ADAM20: variants seen among roughly 807,000 people sequenced by gnomAD.
The protein encoded by ADAM20 is ADAM metallopeptidase domain 20.
For synonymous variants in ADAM20, 305 were observed against 310.2 expected (o/e 0.98, Z 0.18); for missense variants, 871 against 883.2 (o/e 0.99, Z 0.18).
chr14:70,560,783 T>C, the ADAM20 span, among the ~76,000 whole-genome samples: 1 of 152,178 alleles, frequency 6.6e-6, no homozygotes, highest in East Asian at 1.9e-4. Flanking sequence ...TCCACCATGA[T>C]TGTAAGTTTC....
the ADAM20 span, among the ~76,000 whole-genome samples, chr14:70,571,559 T>C: frequency 6.6e-6 from 1 of 152,216 alleles, no homozygotes; most frequent in African/African-American, 2.4e-5. Context: ...AGTATGTCTT[T>C]ATAAGCAGCA....
chr14:70,539,516 T>C (rs774169676), upstream of ADAM20, among the ~76,000 whole-genome samples: 2 of 152,224 alleles, frequency 1.3e-5, no homozygotes, highest in African/African-American at 2.4e-5. Context: ...TAGGCCTCTT[T>C]AGGGTTAAGG....
At chr14:70,542,416 C>A in the ADAM20 span, among the ~76,000 whole-genome samples, 1 of 152,176 alleles carries the variant, frequency 6.6e-6, no homozygotes, top group Non-Finnish European at 1.5e-5. Context: ...CCTTTGGAAA[C>A]TGGCCTCATA....
upstream of ADAM20, among the ~76,000 whole-genome samples, chr14:70,536,407 G>A (rs924275586): frequency 4.4e-5 from 6 of 137,218 alleles, no homozygotes; most frequent in East Asian, 4.4e-4. Context: ...CAGAGGTTGC[G>A]GTGAGCCTAG....
the ADAM20 span, among the ~76,000 whole-genome samples, chr14:70,553,654 G>A: frequency 8.6e-5 from 13 of 151,524 alleles, no homozygotes; most frequent in Admixed American, 2.6e-4. Context: ...ATCAATCAGC[G>A]TGGTACATCA....
intron 1 of ADAM20, among the ~76,000 whole-genome samples, 156 bp from the exon 2 acceptor site, chr14:70,525,089 A>C (rs17176236): frequency 0.051 from 7,782 of 152,276 alleles, 260 homozygotes; most frequent in Middle Eastern, 0.099. Context: ...GATAGGGGAG[A>C]TTGCACATAG....
In ADAM20 at chr14:70,523,663, T is replaced by G; in HGVS notation, c.1095A>C (p.Ile365=). 4.3e-6 allele frequency: 7 copies of G among 1,614,100 alleles called. No individual in the cohort carries two copies. The highest frequency in any genetic ancestry group is 5.1e-6 in the Non-Finnish European group (6 of 1,179,990). ...TTGTCACCTTTCTATAGGCATGCATTATGCACCACTGTAGCTCGCACACAC... is the reference window on the plus strand; with the variant it reads ...TTGTCACCTTTCTATAGGCATGCATGATGCACCACTGTAGCTCGCACACAC... ...QWCVCELQWC[I]MHAYRKVTTK... is the part of the protein sequence containing the mutation. Residue 365 remains isoleucine (I), a synonymous_variant, in exon 2 of 2, where the codon ATA becomes ATC. Transcript: ENST00000256389.
chr14:70,536,465 C>CAAAAAAAAAAAAAA (rs56738784), upstream of ADAM20, among the ~76,000 whole-genome samples: 150 of 43,100 alleles, frequency 3.5e-3, 4 homozygotes, highest in East Asian at 8.3e-3. Flanking sequence ...AACTCTGTCT[C>CAAAAAAAAAAAAAA]AAAAAAAAAA....
Position 70,524,463 on chromosome 14 carries a change from G to A in ADAM20, c.295C>T (p.Leu99Phe), listed in dbSNP as rs771652900. 11 of 1,614,030 alleles carry A rather than the reference G, an allele frequency of 6.8e-6. No individual in the cohort carries two copies. The highest frequency in any genetic ancestry group is 1.7e-5 in the Admixed American group (1 of 59,990). Residue 99 changes from leucine (L) to phenylalanine (F), a missense_variant, in exon 2 of 2, where the codon CTC becomes TTC. By Grantham distance (22) the Leu-to-Phe change is conservative. Coordinates refer to ENST00000256389, the MANE Select transcript of ADAM20 (RefSeq NM_003814.5). The part of the protein sequence containing the change: ...VFTYTEQHAL[L>F]QDQPFIQDDC... ...TCCTGGATGAAGGGCTGATCCTGGA[G>A]CAGGGCATGCTGCTCTGTGTAGGTG... is the stretch of plus-strand genomic sequence containing the variant.
intron 1 of ADAM20, among the ~76,000 whole-genome samples, chr14:70,528,744 A>G (rs1473024152): frequency 6.6e-6 from 1 of 152,208 alleles, no homozygotes; most frequent in Non-Finnish European, 1.5e-5. Context: ...TCAAGAAGAG[A>G]AAACTATAAA....
At chr14:70,570,769 A>G in the ADAM20 span, among the ~76,000 whole-genome samples, 1 of 152,126 alleles carries the variant, frequency 6.6e-6, no homozygotes, top group African/African-American at 2.4e-5. Context: ...CTACAAAACT[A>G]GCATCACCCT....
the ADAM20 span, among the ~76,000 whole-genome samples, chr14:70,560,614 G>C: frequency 6.6e-6 from 1 of 152,162 alleles, no homozygotes. Flanking sequence ...GGAAAGGCCT[G>C]GTGGGAGATG....
the ADAM20 span, among the ~76,000 whole-genome samples, chr14:70,557,848 G>C: frequency 6.6e-6 from 1 of 152,180 alleles, no homozygotes; most frequent in African/African-American, 2.4e-5. Context: ...ACCCAGGGAA[G>C]CCAAAAGATT....
chr14:70,573,225 C>CATAT, the ADAM20 span, among the ~76,000 whole-genome samples: 1 of 152,126 alleles, frequency 6.6e-6, no homozygotes, highest in African/African-American at 2.4e-5. Context: ...AAATGTGGTA[C>CATAT]ATATATACCA....
Position 70,529,865 on chromosome 14 carries a change from T to C in ADAM20, c.-177+4932A>G, listed in dbSNP as rs114442264. ...CATTTATTTTTAAAAATTTCTTTAA[T>C]AATAAATTAAACTTAGCTTACTATA... On this transcript the variant is annotated intron_variant, in intron 1 of 1. Coordinates refer to ENST00000256389, the MANE Select transcript of ADAM20 (RefSeq NM_003814.5). 8.6e-3 allele frequency among the ~76,000 whole-genome samples: 1,306 copies of C among 152,334 alleles called. 11 individuals are homozygous for C. The highest frequency in any genetic ancestry group is 0.029 in the African/African-American group (1,218 of 41,574).
At chr14:70,553,322 A>C in the ADAM20 span, among the ~76,000 whole-genome samples, 3 of 126,946 alleles carry the variant, frequency 2.4e-5, no homozygotes, top group African/African-American at 1.0e-4. Flanking sequence ...AAAAAAAAAA[A>C]AAAAAAAAAA....
the ADAM20 span, among the ~76,000 whole-genome samples, chr14:70,574,044 T>A: frequency 1.3e-5 from 2 of 152,216 alleles, no homozygotes; most frequent in Admixed American, 1.3e-4. Context: ...TACAGAACAG[T>A]CTAGCCAACA....
At chr14:70,545,713 A>G in the ADAM20 span, among the ~76,000 whole-genome samples, 4 of 152,374 alleles carry the variant, frequency 2.6e-5, no homozygotes, top group East Asian at 7.7e-4. Flanking sequence ...CCAGATATAT[A>G]AAGCAAATAT....
chr14:70,571,279 T>A, the ADAM20 span, among the ~76,000 whole-genome samples: 1 of 152,126 alleles, frequency 6.6e-6, no homozygotes, highest in African/African-American at 2.4e-5. Context: ...CCATGTGGTG[T>A]GGGAAGGACC....
Sources: gnomAD v4.1 joint callset for allele counts (sites outside exome capture counted in the v4.1 genomes callset) on GRCh38, gnomAD v4.1.1 for gene constraint, MANE v1.5 for transcripts, NCBI Gene and HGNC (gene_info 2026-07-23, HGNC 2026-07-21) for gene names.